NTRK3: variants seen among roughly 807,000 people sequenced by gnomAD.
NTRK3 encodes the protein NT-3 growth factor receptor.
NTRK3 carries 24 observed loss-of-function variants against 91.7 expected under a neutral mutation model. The ratio of observed to expected loss-of-function variants is 0.26; its 90% CI spans 0.19 to 0.37. The LOEUF is 0.37. Ranked by LOEUF, NTRK3 falls within the 10% of genes least tolerant of loss-of-function variation. NTRK3 has a pLI of 1.00. For missense variants in NTRK3, 880 were observed against 1,068.9 expected, an observed-to-expected ratio of 0.82 and a Z score of 2.46; for synonymous variants, 483 against 404.0, an observed-to-expected ratio of 1.20 and a Z score of -2.34.
intron 5 of NTRK3, among the ~76,000 whole-genome samples, chr15:88,148,550 T>G (rs1240738344): frequency 6.6e-6 from 1 of 152,004 alleles, no homozygotes; most frequent in Non-Finnish European, 1.5e-5. Flanking sequence ...AAGTAGCAAG[T>G]GTCAAGGCCT....
chr15:87,886,687 T>TATATATATATATATATATAC (rs1385804481), intron 17 of NTRK3, among the ~76,000 whole-genome samples: 1 of 140,766 alleles, frequency 7.1e-6, no homozygotes, highest in African/African-American at 2.7e-5. Flanking sequence ...TATATATATA[T>TATATATATATATATATATAC]ATATATATAT....
At chr15:87,928,938 C>A in intron 17 of NTRK3, 1 of 604,268 alleles carries the variant, frequency 1.7e-6, no homozygotes, top group Non-Finnish European at 2.9e-6. Flanking sequence ...GAACACAATG[C>A]ATATGTTATT....
intron 10 of NTRK3, among the ~76,000 whole-genome samples, chr15:88,130,515 C>A (rs1034402886): frequency 6.6e-6 from 1 of 152,082 alleles, no homozygotes; most frequent in Admixed American, 6.6e-5. Flanking sequence ...CAGACACCAC[C>A]TTGACCAAGT....
At chr15:88,090,075 G>C in intron 13 of NTRK3, among the ~76,000 whole-genome samples, 3 of 152,090 alleles carry the variant, frequency 2.0e-5, no homozygotes, top group Non-Finnish European at 4.4e-5. Flanking sequence ...TCCCCGAGAT[G>C]TCTGTGAAGC....
rs1322596050 is a variant in NTRK3 at position 88,237,708 on chromosome 15, G to T, written c.248+18198C>A. Among the ~76,000 whole-genome samples, 10 of 151,938 alleles carry T rather than the reference G, an allele frequency of 6.6e-5. No individual in the cohort carries two copies. In the East Asian group the frequency reaches 1.2e-3, roughly 18 times the overall value. ...GCAACTTCTTCCACAGGGCTCTCTT[G>T]CTTACATGACCGACTAAGCAGACAC... is the stretch of plus-strand genomic sequence containing the variant. On this transcript the variant is annotated intron_variant, in intron 3 of 18. Transcript: ENST00000394480. This position sits in a 1 kb window ranked among gnomAD's most constrained non-coding sequence, Gnocchi z 4.0.
chr15:87,959,909 GCCA>G (rs1002133079), intron 14 of NTRK3, among the ~76,000 whole-genome samples: 11 of 152,180 alleles, frequency 7.2e-5, no homozygotes, highest in African/African-American at 2.7e-4. Flanking sequence ...TCTTGGCATG[GCCA>G]CCAAGTTGAA....
At chr15:88,189,469 G>A (rs564923106) in intron 3 of NTRK3, among the ~76,000 whole-genome samples, 1 of 151,340 alleles carries the variant, frequency 6.6e-6, no homozygotes, top group Admixed American at 6.6e-5. Flanking sequence ...TGCCACCCAG[G>A]CTGGAGTGCA....
At chr15:88,037,079 G>A (rs2079138789) in intron 13 of NTRK3, among the ~76,000 whole-genome samples, 1 of 152,180 alleles carries the variant, frequency 6.6e-6, no homozygotes, top group Non-Finnish European at 1.5e-5. Flanking sequence ...GAAGTGTTCT[G>A]CCACAGACTC....
intron 3 of NTRK3, among the ~76,000 whole-genome samples, chr15:88,244,737 G>T (rs2052666818): frequency 6.6e-6 from 1 of 152,194 alleles, no homozygotes. Flanking sequence ...AAGGATTTTA[G>T]GTCATCCTAT....
intron 14 of NTRK3, among the ~76,000 whole-genome samples, chr15:87,947,631 T>C (rs1442668801): frequency 6.7e-6 from 1 of 149,844 alleles, no homozygotes; most frequent in Non-Finnish European, 1.5e-5. Context: ...CATTACAAGG[T>C]GAGTCCTGAG....
Position 87,914,371 on chromosome 15 carries a change from G to A in NTRK3, c.2133+14820C>T, listed in dbSNP as rs149119824. Among the ~76,000 whole-genome samples the A allele has an allele frequency of 5.1e-3, 774 of 152,294 alleles. 10 individuals are homozygous for A. Among genetic ancestry groups the A allele is most frequent in the African/African-American group, 0.018 (745 of 41,562 alleles). ...ATTGGCAGGGAATCAGATCCAGCTG[G>A]CTTTCCCTTGGTGATACCAGTGCAT... On this transcript the variant is annotated intron_variant, in intron 17 of 18. Coordinates refer to ENST00000394480, the Ensembl canonical transcript of NTRK3.
rs1371409706 is a variant in NTRK3 at position 87,916,660 on chromosome 15, T to A, written c.2133+12531A>T. The A allele has an allele frequency of 1.9e-5, 13 of 690,748 alleles. No individual in the cohort carries two copies. In the East Asian group the frequency reaches 3.5e-4, roughly 19 times the overall value. 42.8% of individuals were successfully genotyped at this position (690,748 alleles called of 1,614,324 possible). ...ACCACCCTCAGAAATAGGTTATTAT[T>A]TTTTGGCAGGATTAGGGGGCTAAAT... On this transcript the variant is annotated intron_variant, in intron 17 of 18. Transcript: ENST00000394480.
intron 13 of NTRK3, among the ~76,000 whole-genome samples, chr15:88,093,601 T>C (rs1263971634): frequency 1.3e-5 from 2 of 152,208 alleles, no homozygotes; most frequent in African/African-American, 4.8e-5. Context: ...ATTTCTGCCA[T>C]AGCATACCTG....
intron 14 of NTRK3, among the ~76,000 whole-genome samples, chr15:87,965,063 A>G (rs968999030): frequency 1.3e-5 from 2 of 152,234 alleles, no homozygotes; most frequent in African/African-American, 4.8e-5. Context: ...ATGCAATCTT[A>G]TTTTTAAAAA....
chr15:87,874,560 G>A (rs1186943090), exon 19 of NTRK3: 1 of 233,212 alleles, frequency 4.3e-6, no homozygotes, highest in East Asian at 6.0e-5. Context: ...GCCCATCAGT[G>A]ACTATCAGTT....
At chr15:87,946,292 C>G (rs2142070254) in intron 14 of NTRK3, 1 of 152,242 alleles carries the variant, frequency 6.6e-6, no homozygotes, top group South Asian at 2.1e-4. Flanking sequence ...CATCAAAAGG[C>G]AGAGACAGCC....
intron 13 of NTRK3, among the ~76,000 whole-genome samples, chr15:88,093,492 C>G (rs1457101253): frequency 6.6e-6 from 1 of 152,162 alleles, no homozygotes; most frequent in African/African-American, 2.4e-5. Context: ...GTCAGTTTCT[C>G]TCCTTAACAG....
intron 14 of NTRK3, among the ~76,000 whole-genome samples, chr15:88,019,970 C>T (rs182052152): frequency 1.6e-4 from 24 of 152,248 alleles, no homozygotes; most frequent in African/African-American, 5.5e-4. Context: ...TCTGAAGATC[C>T]TATGTGTAAG....
At chr15:88,033,176 TTATATATATATATATATA>T (rs149279639) in intron 13 of NTRK3, 131 bp from the exon 14 acceptor site, 28,716 of 195,976 alleles carry the variant, frequency 0.15, 3,431 homozygotes, top group Admixed American at 0.2. Context: ...GGGGGGTGTG[TTATATATATATATATATA>T]TATATATATA....
Sources: allele counts gnomAD v4.1 joint callset (sites outside exome capture counted in the v4.1 genomes callset), GRCh38; gene constraint gnomAD v4.1.1; non-coding constraint Gnocchi (gnomAD v3.1); transcripts MANE v1.5; gene names NCBI Gene and HGNC (gene_info 2026-07-23, HGNC 2026-07-21).